Variants in COL4A2 observed in about 807,000 individuals in gnomAD.
COL4A2 encodes the protein collagen alpha-2(IV) chain.
Under a neutral mutation model 200.2 loss-of-function variants are expected in COL4A2, and 99 were observed. The ratio of observed to expected loss-of-function variants is 0.49; its 90% CI spans 0.42 to 0.58. COL4A2 has a LOEUF of 0.58. Ranked by LOEUF, COL4A2 falls within the 20% of genes least tolerant of loss-of-function variation. The pLI is 0.00. For synonymous variants in COL4A2, 897 were observed against 900.6 expected (o/e 1.00, Z 0.07); for missense variants, 1,950 against 2,314.1 (o/e 0.84, Z 3.23).
chr13:110,363,088 GTGAGA>G (rs1305697434), intron 4 of COL4A2, among the ~76,000 whole-genome samples: 1 of 152,198 alleles, frequency 6.6e-6, no homozygotes, highest in African/African-American at 2.4e-5. Flanking sequence ...TTGGGAATTA[GTGAGA>G]TGGTCAAATG....
In COL4A2 at chr13:110,478,159, G is replaced by C; in HGVS notation, c.2582G>C (p.Arg861Pro). Residue 861 changes from arginine to proline, a missense_variant, in exon 30 of 48, where the codon CGT (arginine) becomes CCT (proline). Transcript: ENST00000360467. ...TTGGGGCTGCCAGGAATCCCAGGCC[G>C]TGAAGGTAAGACCCCAGCCCTCCCA... ...GPLGLPGIPG[R>P]EGLPGDRGDP... The C allele has an allele frequency of 1.3e-6, 2 of 1,589,600 alleles. No individual in the cohort carries two copies. Among genetic ancestry groups the C allele is most frequent in the South Asian group, 1.1e-5 (1 of 87,776 alleles).
At chr13:110,388,321 T>C (rs906218811) in intron 4 of COL4A2, among the ~76,000 whole-genome samples, 15 of 152,200 alleles carry the variant, frequency 9.9e-5, no homozygotes, top group Admixed American at 3.3e-4. Context: ...TGGTGACTTC[T>C]CTTGGCCAGT....
chr13:110,480,167 T>G, intron 30 of COL4A2, 53 bp from the exon 31 acceptor site: 1 of 1,503,694 alleles, frequency 6.7e-7, no homozygotes, highest in African/African-American at 1.4e-5. Flanking sequence ...AGAAGAGAAA[T>G]TTCCCCTGTG....
At chr13:110,324,757 G>A (rs1010141764) in intron 3 of COL4A2, among the ~76,000 whole-genome samples, 1 of 152,178 alleles carries the variant, frequency 6.6e-6, no homozygotes, top group African/African-American at 2.4e-5. Context: ...TTGAGTGGTT[G>A]CTTTCTAGCA....
chr13:110,411,555 G>A (rs1018438224), intron 4 of COL4A2, among the ~76,000 whole-genome samples: 2 of 152,146 alleles, frequency 1.3e-5, no homozygotes, highest in African/African-American at 2.4e-5. Flanking sequence ...TTAATGAGCC[G>A]TGAAATGGCT....
At position 110,439,828 on chromosome 13, in the gene COL4A2, C is replaced by CTTT; in HGVS notation, c.952_953insTTT (p.Gln318delinsLeuTer). The CTTT allele has an allele frequency of 6.2e-7, 1 of 1,613,996 alleles. No individual in the cohort carries two copies. Among genetic ancestry groups the CTTT allele is most frequent in the South Asian group, 1.1e-5 (1 of 91,014 alleles). On this transcript the variant is annotated stop_gained and protein_altering_variant, in exon 16 of 48. Transcript: ENST00000360467. LOFTEE classifies it high-confidence loss of function. ...GAGTGGTGAAAAAGGATCACCAGGA[C>CTTT]AGAAGGTAAGTTGGATGCATGAACT...
intron 3 of COL4A2, among the ~76,000 whole-genome samples, chr13:110,332,747 G>A (rs113408434): frequency 0.022 from 3,292 of 152,266 alleles, 134 homozygotes; most frequent in African/African-American, 0.075. Context: ...TGTGTTGAAA[G>A]GTGACCAATG....
At chr13:110,509,254 TATATATATATATATATACACAC>T (rs1883993053) in intron 47 of COL4A2, among the ~76,000 whole-genome samples, 1 of 117,114 alleles carries the variant, frequency 8.5e-6, no homozygotes, top group South Asian at 2.8e-4. Flanking sequence ...ATTATATATA[TATATATATATATATATACACAC>T]ACACACACAC....
At chr13:110,496,114 C>T (rs754576587) in intron 40 of COL4A2, among the ~76,000 whole-genome samples, 1 of 152,162 alleles carries the variant, frequency 6.6e-6, no homozygotes, top group Non-Finnish European at 1.5e-5. Flanking sequence ...GGTACGGGAG[C>T]TGGGCAGCAC....
At chr13:110,353,044 A>G (rs113870816) in intron 3 of COL4A2, among the ~76,000 whole-genome samples, 220 of 152,338 alleles carry the variant, frequency 1.4e-3, no homozygotes, top group Middle Eastern at 0.01. Context: ...ATTGCCCTAC[A>G]CAGTTGCTGC....
intron 4 of COL4A2, among the ~76,000 whole-genome samples, chr13:110,365,829 C>G (rs922739039): frequency 6.6e-6 from 1 of 152,196 alleles, no homozygotes; most frequent in Non-Finnish European, 1.5e-5. Context: ...ATTGCTAAAA[C>G]GAAGCTAGGG....
chr13:110,465,939 G>A, intron 25 of COL4A2, 64 bp from the exon 26 acceptor site: 1 of 1,583,352 alleles, frequency 6.3e-7, no homozygotes, highest in Non-Finnish European at 8.6e-7. Flanking sequence ...GCACGCCCCA[G>A]ACGAGCCAGT....
chr13:110,311,398 C>T (rs1884978657), intron 3 of COL4A2, among the ~76,000 whole-genome samples: 1 of 152,134 alleles, frequency 6.6e-6, no homozygotes, highest in Non-Finnish European at 1.5e-5. Context: ...CACAGGGGTC[C>T]CATCCCAGAC....
chr13:110,464,550 G>A (rs1407096122), intron 24 of COL4A2, among the ~76,000 whole-genome samples: 1 of 150,236 alleles, frequency 6.7e-6, no homozygotes, highest in Non-Finnish European at 1.5e-5. Context: ...AAACACAGGG[G>A]TACACCACTT....
chr13:110,395,452 T>C (rs1387972080), intron 4 of COL4A2, among the ~76,000 whole-genome samples: 3 of 152,210 alleles, frequency 2.0e-5, no homozygotes, highest in African/African-American at 7.2e-5. Flanking sequence ...TCAGTGCTTG[T>C]TCATCCTGTC....
chr13:110,443,228 G>T (rs1881199899), intron 16 of COL4A2, among the ~76,000 whole-genome samples: 1 of 152,172 alleles, frequency 6.6e-6, no homozygotes, highest in Non-Finnish European at 1.5e-5. Flanking sequence ...CTTTCAAGAG[G>T]CACATGCGTT....
At chr13:110,403,919 T>C (rs181987089) in intron 4 of COL4A2, among the ~76,000 whole-genome samples, 1 of 152,342 alleles carries the variant, frequency 6.6e-6, no homozygotes, top group African/African-American at 2.4e-5. Context: ...GACCAGCAGA[T>C]GTGGTGTCTG....
chr13:110,475,038 G>T (rs961498998), intron 29 of COL4A2, among the ~76,000 whole-genome samples: 1 of 151,822 alleles, frequency 6.6e-6, no homozygotes, highest in Non-Finnish European at 1.5e-5. Flanking sequence ...ATACCCACTC[G>T]TGCCTATGCA....
In COL4A2 at chr13:110,445,412, T is replaced by C. The variant is rs145501758; in HGVS notation, c.958-417T>C. On this transcript the variant is annotated intron_variant, in intron 16 of 47. Coordinates refer to ENST00000360467, the MANE Select transcript of COL4A2 (RefSeq NM_001846.4). ...CACCTAGGGCAGCCTCCAGCCCTAA[T>C]GACTCACGTGGAGGAAACGTGGGGT... 6.3e-3 allele frequency among the ~76,000 whole-genome samples: 954 copies of C among 152,274 alleles called. 10 individuals carry two copies. The highest frequency in any genetic ancestry group is 0.022 in the African/African-American group (915 of 41,538).
Sources: gnomAD v4.1 joint callset for allele counts (sites outside exome capture counted in the v4.1 genomes callset) on GRCh38, gnomAD v4.1.1 for gene constraint, MANE v1.5 for transcripts, NCBI Gene and HGNC (gene_info 2026-07-23, HGNC 2026-07-21) for gene names.